LTBP1: variants seen among roughly 807,000 people sequenced by gnomAD.
LTBP1 encodes latent transforming growth factor beta binding protein 1.
In LTBP1, 129 loss-of-function variants were observed where a neutral mutation model predicts 207.6. The ratio of observed to expected loss-of-function variants is 0.62; its 90% CI spans 0.54 to 0.72. The LOEUF is 0.72. LTBP1 is among the 30% of genes least tolerant of loss of function. LTBP1 has a pLI of 0.00. For synonymous variants in LTBP1, 963 were observed against 833.7 expected (o/e 1.16, Z -2.67); for missense variants, 2,281 against 2,217.2 (o/e 1.03, Z -0.58).
chr2:32,982,221 T>C (rs1009929949), intron 2 of LTBP1, among the ~76,000 whole-genome samples: 1 of 152,184 alleles, frequency 6.6e-6, no homozygotes, highest in Admixed American at 6.5e-5. Context: ...AAGGTGATTC[T>C]TGTTACACTT....
At chr2:33,311,592 G>T (rs1336870916) in intron 23 of LTBP1, among the ~76,000 whole-genome samples, 1 of 147,476 alleles carries the variant, frequency 6.8e-6, no homozygotes, top group East Asian at 2.0e-4. Flanking sequence ...TAGGCTTTTT[G>T]GCTTAAAAGT....
At chr2:33,386,036 C>A (rs537356823) in intron 31 of LTBP1, among the ~76,000 whole-genome samples, 47 of 152,244 alleles carry the variant, frequency 3.1e-4, no homozygotes, top group African/African-American at 1.1e-3. Context: ...AGTACCTCCC[C>A]CAACCCATTA....
At chr2:33,066,003 T>A (rs72793721) in intron 3 of LTBP1, among the ~76,000 whole-genome samples, 187 of 152,298 alleles carry the variant, frequency 1.2e-3, no homozygotes, top group African/African-American at 4.1e-3. Context: ...TGCATTTTTT[T>A]CCTCCTATTT....
intron 20 of LTBP1, among the ~76,000 whole-genome samples, chr2:33,294,742 C>T (rs2093841813): frequency 6.6e-6 from 1 of 151,818 alleles, no homozygotes; most frequent in Non-Finnish European, 1.5e-5. Context: ...TCATGCCCAG[C>T]TAATTTTTGT....
Position 33,280,072 on chromosome 2 carries a change from C to A in LTBP1, c.3026C>A (p.Pro1009Gln), listed in dbSNP as rs2290427. The change falls in exon 19 of 34, where the codon CCA (proline) becomes CAA (glutamine). Residue 1009 changes from proline (P) to glutamine (Q), a missense_variant. Coordinates refer to ENST00000404816, the MANE Select transcript of LTBP1 (RefSeq NM_206943.4). ...IDECLNPSTC[P>Q]DEQCVNSPGS... is the part of the protein sequence containing the mutation. ...GAATGTTTGAATCCAAGCACTTGTCCAGATGAGCAGTGTGTGAATTCTCCT... is the reference window on the plus strand; with the variant it reads ...GAATGTTTGAATCCAAGCACTTGTCAAGATGAGCAGTGTGTGAATTCTCCT... The A allele has an allele frequency of 0.02, 32,825 of 1,613,984 alleles. 407 individuals are homozygous for A. Among genetic ancestry groups the A allele is most frequent in the East Asian group, 0.038 (1,720 of 44,880 alleles).
intron 5 of LTBP1, among the ~76,000 whole-genome samples, chr2:33,148,422 A>C (rs2083233295): frequency 6.6e-6 from 1 of 152,224 alleles, no homozygotes; most frequent in African/African-American, 2.4e-5. Flanking sequence ...GATTTGACTT[A>C]TGAACATGAT....
chr2:33,291,065 A>G (rs1239841839), intron 19 of LTBP1, among the ~76,000 whole-genome samples: 1 of 152,214 alleles, frequency 6.6e-6, no homozygotes, highest in African/African-American at 2.4e-5. Context: ...ATGTACTTTC[A>G]GTTCAAACTG....
chr2:33,149,104 A>G lies in LTBP1; in HGVS notation c.1201+14144A>G, dbSNP rs184035449. Reference sequence around the variant, plus strand: ...GTGGCAGGCGCCTGCAGTCCCAGCTACTCTGGAGGCTGAGGCAGGAGAATG... The same window carrying G: ...GTGGCAGGCGCCTGCAGTCCCAGCTGCTCTGGAGGCTGAGGCAGGAGAATG... On this transcript the variant is annotated intron_variant, in intron 5 of 33. Transcript: ENST00000404816. Among the ~76,000 whole-genome samples, 1,035 of 151,866 alleles carry G rather than the reference A, an allele frequency of 6.8e-3. 12 individuals are homozygous for G. The highest frequency in any genetic ancestry group is 0.024 in the African/African-American group (977 of 41,416).
At chr2:32,998,048 A>G (rs570975428) in intron 2 of LTBP1, among the ~76,000 whole-genome samples, 4 of 152,316 alleles carry the variant, frequency 2.6e-5, no homozygotes, top group African/African-American at 7.2e-5. Context: ...TGCAGGATAT[A>G]AATTCTAGAT....
chr2:33,250,762 C>G (rs143653256), intron 10 of LTBP1, among the ~76,000 whole-genome samples: 18 of 152,016 alleles, frequency 1.2e-4, no homozygotes, highest in Admixed American at 2.0e-4. Context: ...GCAGGTACCA[C>G]CACCATTGGC....
At chr2:33,137,172 A>G (rs1196561456) in intron 5 of LTBP1, among the ~76,000 whole-genome samples, 2 of 152,222 alleles carry the variant, frequency 1.3e-5, no homozygotes, top group South Asian at 2.1e-4. Flanking sequence ...TTATGCATAT[A>G]TCTTTTTGGG....
Position 33,300,530 on chromosome 2 carries a change from T to C in LTBP1, c.3315T>C (p.Cys1105=). The change falls in exon 21 of 34, where the codon TGT becomes TGC. Residue 1105 remains cysteine (C), a synonymous_variant. Coordinates refer to ENST00000404816, the MANE Select transcript of LTBP1 (RefSeq NM_206943.4). ...KNTEGSFRCT[C]GQGYQLSAAK... Reference sequence around the variant, plus strand: ...CCGAGGGCTCCTTCAGGTGCACCTGTGGACAGGGGTACCAGCTGTCGGCAG... The same window carrying C: ...CCGAGGGCTCCTTCAGGTGCACCTGCGGACAGGGGTACCAGCTGTCGGCAG... 1 of 1,613,768 alleles carries C rather than the reference T, an allele frequency of 6.2e-7. No individual in the cohort carries two copies. Among genetic ancestry groups the C allele is most frequent in the Non-Finnish European group, 8.5e-7 (1 of 1,179,764 alleles).
intron 22 of LTBP1, among the ~76,000 whole-genome samples, chr2:33,306,026 T>C (rs146696323): frequency 1.6e-3 from 244 of 152,220 alleles, no homozygotes; most frequent in Non-Finnish European, 2.8e-3. Flanking sequence ...AAATATATAT[T>C]TTCGCACTAC....
intron 24 of LTBP1, among the ~76,000 whole-genome samples, chr2:33,315,885 C>T (rs1334178516): frequency 2.6e-5 from 4 of 152,004 alleles, no homozygotes; most frequent in Non-Finnish European, 5.9e-5. Flanking sequence ...TGCCGTGAGC[C>T]GAGATGGCAC....
chr2:33,190,649 A>G (rs2087760673), intron 7 of LTBP1, among the ~76,000 whole-genome samples: 1 of 152,222 alleles, frequency 6.6e-6, no homozygotes, highest in South Asian at 2.1e-4. Flanking sequence ...ATTAATCAAG[A>G]TAATGTGAGC....
At chr2:33,255,187 T>C (rs1471222593) in intron 11 of LTBP1, among the ~76,000 whole-genome samples, 1 of 149,454 alleles carries the variant, frequency 6.7e-6, no homozygotes, top group Non-Finnish European at 1.5e-5. Flanking sequence ...GTTTGGTTTT[T>C]TGTTCTTGCG....
At chr2:33,302,819 T>A (rs1030905760) in intron 22 of LTBP1, among the ~76,000 whole-genome samples, 6 of 151,954 alleles carry the variant, frequency 3.9e-5, no homozygotes, top group African/African-American at 1.4e-4. Context: ...TTCCAGCACT[T>A]TGGGAGGCCG....
At chr2:33,136,669 A>G (rs1336928740) in intron 5 of LTBP1, among the ~76,000 whole-genome samples, 1 of 152,118 alleles carries the variant, frequency 6.6e-6, no homozygotes, top group Non-Finnish European at 1.5e-5. Flanking sequence ...GCAATGACAA[A>G]ATAATCAAAT....
chr2:33,300,740 G>T (rs2093974305), intron 21 of LTBP1, among the ~76,000 whole-genome samples, 167 bp downstream of exon 21: 1 of 152,180 alleles, frequency 6.6e-6, no homozygotes, highest in South Asian at 2.1e-4. Flanking sequence ...AATAAAACAA[G>T]ATTGAAGACA....
Sources: allele counts gnomAD v4.1 joint callset (sites outside exome capture counted in the v4.1 genomes callset), GRCh38; gene constraint gnomAD v4.1.1; transcripts MANE v1.5; gene names NCBI Gene and HGNC (gene_info 2026-07-23, HGNC 2026-07-21).